KIF21A: variants seen among roughly 807,000 people sequenced by gnomAD.
The protein encoded by KIF21A is kinesin family member 21A.
KIF21A carries 114 observed loss-of-function variants against 202.9 expected under a neutral mutation model. The ratio of observed to expected loss-of-function variants is 0.56; its 90% CI spans 0.48 to 0.66. The LOEUF (loss-of-function observed/expected upper bound fraction) is 0.66. Ranked by LOEUF, KIF21A falls within the 30% of genes least tolerant of loss-of-function variation. KIF21A has a pLI of 0.00. For synonymous variants in KIF21A, 667 were observed against 670.8 expected (o/e 0.99, Z 0.09); for missense variants, 1,677 against 1,994.9 (o/e 0.84, Z 3.04).
chr12:39,403,834 T>TA (rs1026085981), intron 1 of KIF21A, among the ~76,000 whole-genome samples: 1 of 152,224 alleles, frequency 6.6e-6, no homozygotes, highest in Non-Finnish European at 1.5e-5. Context: ...AGCAAAGTCT[T>TA]ACTTCTTTAA....
At chr12:39,320,710 GGATCAC>G (rs1205974573) in intron 27 of KIF21A, among the ~76,000 whole-genome samples, 1 of 151,428 alleles carries the variant, frequency 6.6e-6, no homozygotes, top group Admixed American at 6.6e-5. Context: ...TGAGGTGGGT[GGATCAC>G]TTGAGGTCAT....
intron 1 of KIF21A, among the ~76,000 whole-genome samples, chr12:39,387,883 A>G (rs886341850): frequency 2.0e-5 from 3 of 152,082 alleles, no homozygotes; most frequent in African/African-American, 7.2e-5. Flanking sequence ...TGTCTCCCCA[A>G]ATGCATATTC....
intron 1 of KIF21A, among the ~76,000 whole-genome samples, chr12:39,427,242 C>G (rs1394469581): frequency 6.6e-6 from 1 of 152,208 alleles, no homozygotes; most frequent in Non-Finnish European, 1.5e-5. Flanking sequence ...ATGGAAGTTA[C>G]TTATTATCCT....
intron 17 of KIF21A, among the ~76,000 whole-genome samples, chr12:39,334,200 CAAAAAAAAAAAA>C (rs576176350): frequency 3.1e-5 from 2 of 63,754 alleles, no homozygotes; most frequent in Non-Finnish European, 7.2e-5. Context: ...GACTCCATCT[CAAAAAAAAAAAA>C]AAAAAAAAGA....
chr12:39,353,804 A>C (rs1189010590), intron 10 of KIF21A, among the ~76,000 whole-genome samples: 1 of 152,164 alleles, frequency 6.6e-6, no homozygotes, highest in Non-Finnish European at 1.5e-5. Flanking sequence ...CAAACTCCAC[A>C]TTAACAGAAT....
chr12:39,418,763 C>T (rs759305084), intron 1 of KIF21A, among the ~76,000 whole-genome samples: 1 of 152,052 alleles, frequency 6.6e-6, no homozygotes, highest in Non-Finnish European at 1.5e-5. Flanking sequence ...ATAAGAACAC[C>T]CACAAATTAC....
chr12:39,298,668 T>C (rs1942655951), intron 37 of KIF21A, among the ~76,000 whole-genome samples: 1 of 152,178 alleles, frequency 6.6e-6, no homozygotes, highest in South Asian at 2.1e-4. Context: ...AGCCTGATAC[T>C]CTTTAAATGA....
intron 37 of KIF21A, among the ~76,000 whole-genome samples, chr12:39,298,174 T>C (rs1048724018): frequency 1.3e-5 from 2 of 152,118 alleles, no homozygotes; most frequent in Non-Finnish European, 2.9e-5. Flanking sequence ...GCCCCAGCTA[T>C]CTGCCTGGAA....
rs2140531665 is a variant in KIF21A, at chr12:39,442,500, G to A, written c.44+427C>T. ...GGGAAGGCCGGAGCTGCATGGACAC[G>A]TATGACAGACATTCTAGAACTAATA... is the stretch of plus-strand genomic sequence containing the variant. On this transcript the variant is annotated intron_variant, in intron 1 of 37. Transcript: ENST00000361418. The surrounding 1 kb of genome is among the most constrained non-coding windows in gnomAD (Gnocchi z 5.0). Among the ~76,000 whole-genome samples the A allele has an allele frequency of 6.6e-6, 1 of 152,278 alleles. No individual in the cohort carries two copies. The highest frequency in any genetic ancestry group is 1.9e-4 in the East Asian group (1 of 5,162).
At chr12:39,432,701 C>CCCGA (rs1566372000) in intron 1 of KIF21A, among the ~76,000 whole-genome samples, 1 of 152,054 alleles carries the variant, frequency 6.6e-6, no homozygotes, top group Non-Finnish European at 1.5e-5. Flanking sequence ...ACCTCGGCCT[C>CCCGA]CCGAGTTCAA....
intron 1 of KIF21A, among the ~76,000 whole-genome samples, chr12:39,428,661 C>CA (rs757734463): frequency 1.3e-4 from 20 of 152,114 alleles, no homozygotes; most frequent in Non-Finnish European, 2.2e-4. Flanking sequence ...TCACTTCAGT[C>CA]AATCTTTAAA....
intron 26 of KIF21A, among the ~76,000 whole-genome samples, chr12:39,323,888 A>G (rs1945561595): frequency 6.6e-6 from 1 of 152,128 alleles, no homozygotes; most frequent in African/African-American, 2.4e-5. Flanking sequence ...AGGCAGGTGG[A>G]TCACGAGGTC....
intron 37 of KIF21A, among the ~76,000 whole-genome samples, chr12:39,299,467 G>A (rs1001891881): frequency 6.6e-6 from 1 of 152,078 alleles, no homozygotes; most frequent in Non-Finnish European, 1.5e-5. Context: ...TGTCAACAAG[G>A]TTGTGGAAAA....
chr12:39,368,047 T>A lies in KIF21A; in HGVS notation c.451-15A>T. 1 of 1,523,166 alleles carries A rather than the reference T, an allele frequency of 6.6e-7. No homozygotes were observed. The highest frequency in any genetic ancestry group is 9.1e-7 in the Non-Finnish European group (1 of 1,102,452). The allele number at this position is 1,523,166 out of a possible 1,614,324, so 94.4% of individuals were successfully genotyped here. Reference sequence around the variant, plus strand: ...TCATTATAGAGCTATCAAAAAAATATTAGAAATCTAATTTTAGCAGAAATT... The same window carrying A: ...TCATTATAGAGCTATCAAAAAAATAATAGAAATCTAATTTTAGCAGAAATT... On this transcript the variant is annotated splice_polypyrimidine_tract_variant and intron_variant, in intron 3 of 37. Transcript: ENST00000361418.
chr12:39,387,273 A>C (rs1346190303), intron 1 of KIF21A, among the ~76,000 whole-genome samples: 1 of 151,754 alleles, frequency 6.6e-6, no homozygotes, highest in African/African-American at 2.4e-5. Context: ...TACATGTATC[A>C]GCAGGAAGTC....
At chr12:39,332,175 T>C (rs2138118468) in intron 21 of KIF21A, 39 bp downstream of exon 21, 2 of 1,574,010 alleles carry the variant, frequency 1.3e-6, no homozygotes, top group Non-Finnish European at 8.7e-7. Flanking sequence ...ACAAAAGTAC[T>C]TTTCATTAAA....
intron 7 of KIF21A, among the ~76,000 whole-genome samples, 192 bp from the exon 8 acceptor site, chr12:39,358,565 A>G (rs1459745015): frequency 1.3e-5 from 2 of 152,198 alleles, no homozygotes; most frequent in Non-Finnish European, 2.9e-5. Context: ...AAATAAATTG[A>G]TATTATTCAC....
intron 1 of KIF21A, among the ~76,000 whole-genome samples, chr12:39,432,715 A>T (rs1278930718): frequency 6.6e-6 from 1 of 151,848 alleles, no homozygotes; most frequent in Non-Finnish European, 1.5e-5. Flanking sequence ...AGTTCAAGTG[A>T]TTCTCTTCCG....
chr12:39,423,898 C>T (rs1431100143), intron 1 of KIF21A, among the ~76,000 whole-genome samples: 1 of 144,230 alleles, frequency 6.9e-6, no homozygotes, highest in Non-Finnish European at 1.5e-5. Context: ...GCAGGAGAAT[C>T]ACTTGAACCT....
Sources: gnomAD v4.1 joint callset for allele counts (sites outside exome capture counted in the v4.1 genomes callset) on GRCh38, gnomAD v4.1.1 for gene constraint, Gnocchi (gnomAD v3.1) non-coding constraint, MANE v1.5 for transcripts, NCBI Gene and HGNC (gene_info 2026-07-23, HGNC 2026-07-21) for gene names.